Variants in MICU2 observed in about 807,000 individuals in gnomAD.
MICU2 encodes the protein calcium uptake protein 2, mitochondrial.
Under a neutral mutation model 60.4 loss-of-function variants are expected in MICU2, and 64 were observed. The observed-to-expected ratio is 1.06, with a 90% CI of 0.87 to 1.31. MICU2 has a LOEUF of 1.31. Among genes scored for constraint, MICU2 ranks in the 50% most tolerant of loss-of-function variants. The pLI is 0.00. For synonymous variants in MICU2, 201 were observed against 175.0 expected (o/e 1.15, Z -1.17); for missense variants, 569 against 531.0 (o/e 1.07, Z -0.70).
At chr13:21,570,577 AG>A (rs1371882339) in intron 1 of MICU2, among the ~76,000 whole-genome samples, 1 of 152,232 alleles carries the variant, frequency 6.6e-6, no homozygotes, top group Non-Finnish European at 1.5e-5. Flanking sequence ...CTGTAATAAA[AG>A]TCTGTTTTTT....
chr13:21,514,455 TACCAGATTTTTCAAAACA>T (rs776392272), intron 6 of MICU2, 37 bp from the exon 7 acceptor site: 2 of 1,525,426 alleles, frequency 1.3e-6, no homozygotes, highest in Non-Finnish European at 1.8e-6. Flanking sequence ...CATGTGTGCC[TACCAGATTTTTCAAAACA>T]ACCTAAAAAA....
intron 1 of MICU2, among the ~76,000 whole-genome samples, chr13:21,569,818 CAA>C (rs536375277): frequency 1.6e-5 from 2 of 125,588 alleles, no homozygotes; most frequent in Admixed American, 1.6e-4. Context: ...CTTCGTTTTA[CAA>C]AAAAAAAAAA....
chr13:21,585,772 T>G (rs1888442968), intron 1 of MICU2, among the ~76,000 whole-genome samples: 1 of 152,194 alleles, frequency 6.6e-6, no homozygotes, highest in South Asian at 2.1e-4. Flanking sequence ...TCTGCTTGTT[T>G]AAACATAACG....
intron 6 of MICU2, among the ~76,000 whole-genome samples, chr13:21,518,912 T>C (rs55924935): frequency 0.028 from 4,223 of 152,252 alleles, 80 homozygotes; most frequent in African/African-American, 0.039. Context: ...TGAAGTTCTA[T>C]TCACTCCTCT....
intron 1 of MICU2, among the ~76,000 whole-genome samples, chr13:21,579,812 C>A (rs144649887): frequency 4.6e-4 from 70 of 152,026 alleles, no homozygotes; most frequent in African/African-American, 1.5e-3. Context: ...TAAAATACAT[C>A]ATTAACTGAA....
chr13:21,530,812 C>A, intron 4 of MICU2: 1 of 721,394 alleles, frequency 1.4e-6, no homozygotes. Context: ...CGGCCGAGGC[C>A]AGGCAAGCCG....
chr13:21,563,908 C>G (rs1270308228), intron 2 of MICU2, among the ~76,000 whole-genome samples: 2 of 151,604 alleles, frequency 1.3e-5, no homozygotes, highest in African/African-American at 4.8e-5. Flanking sequence ...CTCCTGGGCT[C>G]AAGTGATCCT....
chr13:21,572,242 G>A (rs546519257), intron 1 of MICU2, among the ~76,000 whole-genome samples: 1 of 152,350 alleles, frequency 6.6e-6, no homozygotes, highest in East Asian at 1.9e-4. Context: ...GGTTTATTAA[G>A]CCAGCTGTAC....
chr13:21,534,972 A>G (rs1440294569), intron 4 of MICU2, among the ~76,000 whole-genome samples: 1 of 152,192 alleles, frequency 6.6e-6, no homozygotes, highest in African/African-American at 2.4e-5. Flanking sequence ...CATAGGCAGC[A>G]CTTGAGGCAC....
chr13:21,603,701 G>A (rs1002484270), intron 1 of MICU2: 12 of 557,572 alleles, frequency 2.2e-5, no homozygotes, highest in Non-Finnish European at 3.2e-6. Context: ...CAGCGTCCGC[G>A]GGGTTCTCCC....
chr13:21,526,900 A>G (rs1262588998), intron 4 of MICU2, among the ~76,000 whole-genome samples: 2 of 152,202 alleles, frequency 1.3e-5, no homozygotes, highest in Non-Finnish European at 2.9e-5. Context: ...CCTTCTGTGC[A>G]GGACAACATA....
intron 2 of MICU2, among the ~76,000 whole-genome samples, chr13:21,550,800 T>A (rs1375550940): frequency 6.6e-6 from 1 of 152,082 alleles, no homozygotes; most frequent in Non-Finnish European, 1.5e-5. Context: ...CGCTTTGACG[T>A]AGGTACTATT....
rs747672236 is a variant in MICU2, at chr13:21,604,166, T to C, written c.-18A>G. ...GCCGCCATCTTTGCGGAAGCGCAGC[T>C]AGGCGGCGCTTCTCTCCCGGCGCCG... On this transcript the variant is annotated 5_prime_UTR_variant, in exon 1 of 12. Coordinates refer to ENST00000382374, the MANE Select transcript of MICU2 (RefSeq NM_152726.3). 130 of 1,537,432 alleles carry C rather than the reference T, an allele frequency of 8.5e-5. No individual in the cohort carries two copies. The highest frequency in any genetic ancestry group is 2.3e-4 in the Middle Eastern group (1 of 4,356).
intron 2 of MICU2, among the ~76,000 whole-genome samples, chr13:21,545,672 TA>T (rs1310960088): frequency 3.2e-3 from 420 of 133,178 alleles, no homozygotes; most frequent in African/African-American, 2.8e-3. Flanking sequence ...AAACTCCATC[TA>T]AAAAAAAAAA....
intron 1 of MICU2, among the ~76,000 whole-genome samples, chr13:21,594,466 G>C (rs950295191): frequency 7.9e-5 from 12 of 152,228 alleles, no homozygotes; most frequent in African/African-American, 2.7e-4. Context: ...GTGGAAGACA[G>C]TGTGGCGACC....
intron 1 of MICU2, among the ~76,000 whole-genome samples, chr13:21,571,668 G>A (rs1271837783): frequency 1.3e-5 from 2 of 152,178 alleles, no homozygotes; most frequent in African/African-American, 2.4e-5. Flanking sequence ...ACTGCACTCC[G>A]GCTTGGGCAA....
chr13:21,594,656 A>C (rs778432336), intron 1 of MICU2, among the ~76,000 whole-genome samples: 2 of 152,264 alleles, frequency 1.3e-5, no homozygotes, highest in Non-Finnish European at 2.9e-5. Context: ...AGATTGAATA[A>C]AGAAAATGTG....
Position 21,581,274 on chromosome 13 carries a change from C to T in MICU2, c.211-14330G>A, listed in dbSNP as rs551074197. On this transcript the variant is annotated intron_variant, in intron 1 of 11. Transcript: ENST00000382374. ...CTGGGATTACAGGCATGCACCACCACACCAGGCTAATTTTTGTATTTTTAG... is the reference window on the plus strand; with the variant it reads ...CTGGGATTACAGGCATGCACCACCATACCAGGCTAATTTTTGTATTTTTAG... 2.0e-5 allele frequency among the ~76,000 whole-genome samples: 3 copies of T among 152,216 alleles called. No homozygotes were observed. In the East Asian group the frequency reaches 5.8e-4, roughly 29 times the overall value.
chr13:21,566,773 A>G (rs75781856), intron 2 of MICU2, 24 bp downstream of exon 2: 2 of 231,192 alleles, frequency 8.7e-6, no homozygotes, highest in Non-Finnish European at 1.3e-5. Context: ...TTTTTTAATT[A>G]AAAAAAAAAA....
Sources: allele counts gnomAD v4.1 joint callset (sites outside exome capture counted in the v4.1 genomes callset), GRCh38; gene constraint gnomAD v4.1.1; transcripts MANE v1.5; gene names NCBI Gene and HGNC (gene_info 2026-07-23, HGNC 2026-07-21).